Variants in NAV2 observed in about 807,000 individuals in gnomAD.
The protein encoded by NAV2 is neuron navigator 2, also known as helicase, APC down-regulated 1.
In NAV2, 54 loss-of-function variants were observed where a neutral mutation model predicts 223.2. The observed-to-expected ratio is 0.24, with a 90% confidence interval of 0.19 to 0.30. NAV2 has a LOEUF of 0.30. Ranked by LOEUF, NAV2 falls within the 10% of genes least tolerant of loss-of-function variation. The pLI is 1.00. For missense variants in NAV2, 2,806 were observed against 3,147.5 expected (o/e 0.89, Z 2.60); for synonymous variants, 1,279 against 1,239.3 (o/e 1.03, Z -0.67).
At chr11:19,463,308 A>T (rs2632042) in intron 1 of NAV2, among the ~76,000 whole-genome samples, 96,229 of 152,160 alleles carry the variant, frequency 0.63, 30,800 homozygotes, top group Non-Finnish European at 0.7. Context: ...GCCGTGTCTA[A>T]GAAAAATACA....
At chr11:19,379,644 G>T (rs1027951409) in intron 1 of NAV2, among the ~76,000 whole-genome samples, 1 of 152,148 alleles carries the variant, frequency 6.6e-6, no homozygotes, top group Non-Finnish European at 1.5e-5. Flanking sequence ...TCCCTCCTCC[G>T]GCATCTTCCC....
intron 1 of NAV2, among the ~76,000 whole-genome samples, chr11:19,588,068 A>G (rs1023058230): frequency 2.0e-5 from 3 of 152,226 alleles, no homozygotes; most frequent in Non-Finnish European, 4.4e-5. Flanking sequence ...ATGTTTGTGA[A>G]AGAAATGAAT....
intron 10 of NAV2, among the ~76,000 whole-genome samples, chr11:19,953,856 CGCGT>C (rs1318948899): frequency 2.5e-4 from 32 of 127,128 alleles, no homozygotes; most frequent in Admixed American, 1.6e-3. Context: ...TGCACGCGCG[CGCGT>C]GTGTGTGTGT....
chr11:19,655,691 A>G (rs2048102519), intron 1 of NAV2, among the ~76,000 whole-genome samples: 1 of 140,542 alleles, frequency 7.1e-6, no homozygotes, highest in Non-Finnish European at 1.5e-5. Context: ...GAATTGAACA[A>G]TGAGAACACA....
At position 19,444,772 on chromosome 11, in the gene NAV2, A is replaced by G. The variant is rs568333162; in HGVS notation, c.75+93745A>G. Among the ~76,000 whole-genome samples the G allele has an allele frequency of 3.3e-5, 5 of 151,806 alleles. No individual in the cohort carries two copies. The South Asian group carries it at 6.2e-4, about 19-fold the overall frequency. ...TAATTATTATAAAATATAGAATAAG[A>G]TCTCCCCTGAGAGGTCGTTTTCAGG... On this transcript the variant is annotated intron_variant, in intron 1 of 37. Transcript: ENST00000360655.
At chr11:20,096,602 T>G (rs2061287710) in intron 30 of NAV2, among the ~76,000 whole-genome samples, 1 of 152,224 alleles carries the variant, frequency 6.6e-6, no homozygotes, top group African/African-American at 2.4e-5. Flanking sequence ...CCAGTTTAGT[T>G]GGTCTGACTT....
In NAV2 at chr11:19,466,971, T is replaced by TTCTC. The variant is rs140127053; in HGVS notation, c.75+115954_75+115957dup. On this transcript the variant is annotated intron_variant, in intron 1 of 37. Coordinates refer to the NAV2 transcript ENST00000360655. ...TTCACTCTTTCTATCTTGTTCTCTC[T>TTCTC]TCTCTCTCTCTCTACACACACACAC... 9.1e-3 allele frequency among the ~76,000 whole-genome samples: 1,207 copies of TTCTC among 132,124 alleles called. 5 individuals carry two copies. The highest frequency in any genetic ancestry group is 0.03 in the East Asian group (134 of 4,500). 86.7% of individuals were successfully genotyped at this position (132,124 alleles called of 152,430 possible).
intron 1 of NAV2, among the ~76,000 whole-genome samples, chr11:19,455,403 T>TCACA (rs1851926691): frequency 6.6e-6 from 1 of 152,192 alleles, no homozygotes; most frequent in Non-Finnish European, 1.5e-5. Flanking sequence ...GACAGAATCA[T>TCACA]CACATTTTAG....
intron 1 of NAV2, among the ~76,000 whole-genome samples, chr11:19,548,876 CAAA>C (rs10709105): frequency 7.6e-5 from 6 of 78,608 alleles, no homozygotes; most frequent in East Asian, 4.0e-4. Context: ...GGCTCCGTCT[CAAA>C]AAAAAAAAAA....
intron 1 of NAV2, among the ~76,000 whole-genome samples, chr11:19,690,489 T>C (rs545391200): frequency 6.6e-6 from 1 of 152,298 alleles, no homozygotes; most frequent in Admixed American, 6.5e-5. Flanking sequence ...TTTAGGGTCA[T>C]TGTGAGTGTT....
At chr11:19,777,372 C>T (rs1015464757) in intron 1 of NAV2, 5 of 426,166 alleles carry the variant, frequency 1.2e-5, no homozygotes, top group African/African-American at 1.0e-4. Context: ...ACTGGACGGC[C>T]AGACCTGCCG....
chr11:20,065,147 C>T (rs913996124), intron 20 of NAV2, among the ~76,000 whole-genome samples: 4 of 152,206 alleles, frequency 2.6e-5, no homozygotes, highest in Non-Finnish European at 4.4e-5. Flanking sequence ...AGGTGTGGTC[C>T]TTTATCTGTT....
chr11:19,526,641 C>A (rs1279835703), intron 1 of NAV2, among the ~76,000 whole-genome samples: 1 of 152,178 alleles, frequency 6.6e-6, no homozygotes, highest in Non-Finnish European at 1.5e-5. Flanking sequence ...AAAACCCACT[C>A]TGCAGTAGAG....
chr11:19,892,536 C>T lies in NAV2; in HGVS notation c.873C>T (p.Asn291=), dbSNP rs1240035324. ...ACCGACGCAGCCAGAGCTTTAACAACTATGATAAATCCAAACCAGTCACCT... is the reference window on the plus strand; with the variant it reads ...ACCGACGCAGCCAGAGCTTTAACAATTATGATAAATCCAAACCAGTCACCT... ...ANNRRSQSFN[N]YDKSKPVTSP... Residue 291 remains asparagine, a synonymous_variant, in exon 6 of 38, where the codon AAC becomes AAT. Coordinates refer to ENST00000349880, the MANE Select transcript of NAV2 (RefSeq NM_145117.5). 6.2e-7 allele frequency: 1 copy of T among 1,614,196 alleles called. No individual in the cohort carries two copies. Among genetic ancestry groups the T allele is most frequent in the East Asian group, 2.2e-5 (1 of 44,874 alleles).
chr11:19,614,484 TC>T (rs553900933), intron 1 of NAV2, among the ~76,000 whole-genome samples: 34 of 152,282 alleles, frequency 2.2e-4, no homozygotes, highest in Admixed American at 2.0e-3. Context: ...TACAGAGAAT[TC>T]CCATGTAGCC....
chr11:19,673,553 A>G (rs2048627135), intron 1 of NAV2, among the ~76,000 whole-genome samples: 1 of 152,186 alleles, frequency 6.6e-6, no homozygotes, highest in South Asian at 2.1e-4. Flanking sequence ...TTGGCACTAT[A>G]CTCTACAATA....
chr11:19,432,903 A>G (rs1851085638), intron 1 of NAV2, among the ~76,000 whole-genome samples: 1 of 152,182 alleles, frequency 6.6e-6, no homozygotes, highest in Non-Finnish European at 1.5e-5. Context: ...AAATGCCTCA[A>G]ACCCAAACAC....
At chr11:19,846,882 C>T (rs562861264) in intron 3 of NAV2, among the ~76,000 whole-genome samples, 4 of 152,274 alleles carry the variant, frequency 2.6e-5, no homozygotes, top group Admixed American at 2.0e-4. Context: ...TTTTAAGGAG[C>T]GCTTTGCCCT....
At chr11:19,404,966 T>C (rs1459360085) in intron 1 of NAV2, among the ~76,000 whole-genome samples, 1 of 152,178 alleles carries the variant, frequency 6.6e-6, no homozygotes, top group Admixed American at 6.5e-5. Flanking sequence ...CTCTGTGCTC[T>C]CTGTCTGGAG....
Sources: allele counts gnomAD v4.1 joint callset (sites outside exome capture counted in the v4.1 genomes callset), GRCh38; gene constraint gnomAD v4.1.1; transcripts MANE v1.5; gene names NCBI Gene and HGNC (gene_info 2026-07-23, HGNC 2026-07-21).